The following KIF2A variants were observed in gnomAD, a reference collection of about 807,000 sequenced individuals.
The protein encoded by KIF2A is kinesin family member 2A.
In KIF2A, 22 loss-of-function variants were observed where a neutral mutation model predicts 100.2. The observed-to-expected ratio is 0.22, with a 90% CI of 0.16 to 0.31. The LOEUF is 0.31. Ranked by LOEUF, KIF2A falls within the 10% of genes least tolerant of loss-of-function variation. The pLI is 1.00. For synonymous variants in KIF2A, 268 were observed against 285.9 expected (o/e 0.94, Z 0.63); for missense variants, 495 against 898.7 (o/e 0.55, Z 5.74).
chr5:62,348,122 A>T lies in KIF2A; in HGVS notation c.234A>T (p.Thr78=). 6.2e-7 allele frequency: 1 copy of T among 1,613,816 alleles called. No individual in the cohort carries two copies. The highest frequency in any genetic ancestry group is 1.3e-5 in the African/African-American group (1 of 75,026). ...AAGAAATTGAACCCAGTCCAGAAACACCTCCACCTCCAGCATCCTCAGCCA... is the reference window on the plus strand; with the variant it reads ...AAGAAATTGAACCCAGTCCAGAAACTCCTCCACCTCCAGCATCCTCAGCCA... The part of the protein sequence containing the change: ...PDEEIEPSPE[T]PPPPASSAKV... The change falls in exon 3 of 21, where the codon ACA becomes ACT. Residue 78 remains threonine, a synonymous_variant. Coordinates refer to ENST00000407818, the MANE Select transcript of KIF2A (RefSeq NM_001098511.3).
intron 1 of KIF2A, among the ~76,000 whole-genome samples, chr5:62,336,561 C>G (rs892843099): frequency 6.6e-6 from 1 of 152,046 alleles, no homozygotes; most frequent in Non-Finnish European, 1.5e-5. Context: ...GACAAAGCAT[C>G]ATGAAAATTA....
chr5:62,358,381 A>G (rs1172042828), intron 9 of KIF2A, 82 bp downstream of exon 9: 12 of 908,080 alleles, frequency 1.3e-5, no homozygotes, highest in Non-Finnish European at 1.3e-5. Flanking sequence ...TGATTGTGGG[A>G]TATTTCTTAA....
intron 12 of KIF2A, 80 bp from the exon 13 acceptor site, chr5:62,363,098 G>T: frequency 8.3e-7 from 1 of 1,205,880 alleles, no homozygotes; most frequent in Non-Finnish European, 1.1e-6. Context: ...AAAATGCTGG[G>T]ATTACAGGCG....
At chr5:62,339,159 G>A (rs1747135364) in intron 1 of KIF2A, among the ~76,000 whole-genome samples, 1 of 152,202 alleles carries the variant, frequency 6.6e-6, no homozygotes, top group Non-Finnish European at 1.5e-5. Context: ...GCTGGCATCT[G>A]CTCAGCTTCT....
intron 1 of KIF2A, among the ~76,000 whole-genome samples, chr5:62,342,672 A>T (rs570229781): frequency 1.8e-4 from 27 of 152,268 alleles, no homozygotes; most frequent in Non-Finnish European, 1.5e-5. Context: ...TTCTCTGCTC[A>T]GTCCTGCTTC....
intron 17 of KIF2A, 71 bp from the exon 18 acceptor site, chr5:62,373,616 G>T: frequency 9.1e-7 from 1 of 1,103,030 alleles, no homozygotes; most frequent in Non-Finnish European, 1.4e-6. Context: ...CGTGTATATT[G>T]AATAGGCTGG....
chr5:62,330,771 G>T (rs1276792924), intron 1 of KIF2A, among the ~76,000 whole-genome samples: 1 of 152,030 alleles, frequency 6.6e-6, no homozygotes, highest in Non-Finnish European at 1.5e-5. Flanking sequence ...AATGGAAGGG[G>T]TTGCTAGAGG....
chr5:62,369,578 C>T (rs1176904464), intron 16 of KIF2A, among the ~76,000 whole-genome samples: 1 of 152,154 alleles, frequency 6.6e-6, no homozygotes, highest in South Asian at 2.1e-4. Flanking sequence ...ATATCAGACA[C>T]ATAATTGTTT....
At chr5:62,320,396 A>G (rs1391599277) in intron 1 of KIF2A, among the ~76,000 whole-genome samples, 1 of 152,186 alleles carries the variant, frequency 6.6e-6, no homozygotes, top group African/African-American at 2.4e-5. Flanking sequence ...GGGTCAGATA[A>G]TTGTGTATGT....
At chr5:62,308,205 C>A in intron 1 of KIF2A, 1 of 473,260 alleles carries the variant, frequency 2.1e-6, no homozygotes, top group Non-Finnish European at 3.6e-6. Context: ...TTACCAATAA[C>A]ACTAATGGGA....
chr5:62,316,805 AG>A (rs1197417239), intron 1 of KIF2A, among the ~76,000 whole-genome samples: 5 of 152,188 alleles, frequency 3.3e-5, no homozygotes, highest in East Asian at 3.8e-4. Flanking sequence ...AACCTAAAAA[AG>A]GTTGGGGAGG....
chr5:62,322,897 A>G (rs1746173794), intron 1 of KIF2A, among the ~76,000 whole-genome samples: 1 of 143,254 alleles, frequency 7.0e-6, no homozygotes, highest in African/African-American at 2.5e-5. Flanking sequence ...TTTTAATGTT[A>G]CTTTAAAATA....
Position 62,390,097 on chromosome 5 carries a change from A to G in KIF2A, c.*4528A>G, listed in dbSNP as rs1448506145. ...TTTCCAGCTTAGAAAAAGTCAAACC[A>G]ATGACTTTTAGAACAATCTACTCTC... On this transcript the variant is annotated 3_prime_UTR_variant, in exon 21 of 21. Coordinates refer to ENST00000407818, the MANE Select transcript of KIF2A (RefSeq NM_001098511.3). 6.6e-6 allele frequency among the ~76,000 whole-genome samples: 1 copy of G among 152,168 alleles called. No individual in the cohort carries two copies.
At chr5:62,358,739 C>T (rs1450091472) in intron 9 of KIF2A, among the ~76,000 whole-genome samples, 1 of 152,174 alleles carries the variant, frequency 6.6e-6, no homozygotes, top group African/African-American at 2.4e-5. Flanking sequence ...GGCACGATCA[C>T]AGCTCACTGC....
intron 10 of KIF2A, 46 bp downstream of exon 10, chr5:62,361,378 C>A: frequency 6.8e-7 from 1 of 1,476,736 alleles, no homozygotes; most frequent in Non-Finnish European, 9.5e-7. Context: ...GCTACAGTTT[C>A]TTTTCCTTAT....
At chr5:62,330,010 A>G (rs1746555474) in intron 1 of KIF2A, among the ~76,000 whole-genome samples, 1 of 152,204 alleles carries the variant, frequency 6.6e-6, no homozygotes, top group African/African-American at 2.4e-5. Flanking sequence ...TTACTAAGTA[A>G]ATATACAATT....
intron 1 of KIF2A, among the ~76,000 whole-genome samples, chr5:62,334,904 G>GC (rs1056404529): frequency 6.6e-6 from 1 of 152,132 alleles, no homozygotes; most frequent in Non-Finnish European, 1.5e-5. Flanking sequence ...CCCCGCCTCG[G>GC]CCCACTGGGC....
At chr5:62,350,414 A>AC (rs1403398029) in intron 4 of KIF2A, among the ~76,000 whole-genome samples, 1 of 151,950 alleles carries the variant, frequency 6.6e-6, no homozygotes, top group African/African-American at 2.4e-5. Flanking sequence ...TGTAGCTGGG[A>AC]CCACAGGCAT....
chr5:62,369,143 A>T (rs1363913517), intron 16 of KIF2A, among the ~76,000 whole-genome samples: 1 of 152,266 alleles, frequency 6.6e-6, no homozygotes, highest in East Asian at 1.9e-4. Context: ...AGGTCAAAGT[A>T]AAATGTTTTA....
Sources: gnomAD v4.1 joint callset for allele counts (sites outside exome capture counted in the v4.1 genomes callset) on GRCh38, gnomAD v4.1.1 for gene constraint, MANE v1.5 for transcripts, NCBI Gene and HGNC (gene_info 2026-07-23, HGNC 2026-07-21) for gene names.